The following CBARP variants were observed in gnomAD, a reference collection of about 807,000 sequenced individuals.
CBARP encodes the protein CACN subunit beta associated regulatory protein.
A neutral mutation model predicts 36.3 loss-of-function variants in CBARP; 24 were observed. That is an observed-to-expected ratio of 0.66 (90% CI 0.48 to 0.93). The LOEUF is 0.93. CBARP is among the 40% of genes least tolerant of loss of function. The pLI is 0.00. For synonymous variants in CBARP, 586 were observed against 453.2 expected (o/e 1.29, Z -3.72); for missense variants, 1,146 against 980.4 (o/e 1.17, Z -2.26).
chr19:1,231,871 G>A (rs1163161555), intron 8 of CBARP, among the ~76,000 whole-genome samples: 1 of 152,014 alleles, frequency 6.6e-6, no homozygotes, highest in Non-Finnish European at 1.5e-5. Flanking sequence ...CGAGTGAGTG[G>A]AAGGGCCTCT....
In CBARP at chr19:1,228,582, G is replaced by A. The variant is rs1415838593; in HGVS notation, c.*597C>T. ...CGGCGGCAGCAGCGGTGGCGGCGCGGTTATTGCTCGGAGGCGGCGCGGGCT... is the reference window on the plus strand; with the variant it reads ...CGGCGGCAGCAGCGGTGGCGGCGCGATTATTGCTCGGAGGCGGCGCGGGCT... On this transcript the variant is annotated 3_prime_UTR_variant, in exon 10 of 10. Coordinates refer to ENST00000650044, the MANE Select transcript of CBARP (RefSeq NM_001393918.1). 3 of 168,698 alleles carry A rather than the reference G, an allele frequency of 1.8e-5. No individual in the cohort carries two copies. The highest frequency in any genetic ancestry group is 7.2e-5 in the African/African-American group (3 of 41,872). 10.5% of individuals were successfully genotyped at this position (168,698 alleles called of 1,614,324 possible). A position where few individuals can be genotyped will look rare whatever the true frequency, so the allele number is the denominator to read the frequency against.
In CBARP at chr19:1,237,969, C is replaced by T. The variant is rs931668709; in HGVS notation, c.-235G>A. 2.0e-5 allele frequency: 3 copies of T among 146,864 alleles called. No homozygotes were observed. The highest frequency in any genetic ancestry group is 7.3e-5 in the African/African-American group (3 of 40,890). 9.1% of individuals were successfully genotyped at this position (146,864 alleles called of 1,614,324 possible). ...CCGCGCGCCCGGTGCTGCCCGGTCC[C>T]CGGCCCGCCGCCCCCGCTGCGCTCG... On this transcript the variant is annotated 5_prime_UTR_variant, in exon 1 of 10. Coordinates refer to ENST00000650044, the MANE Select transcript of CBARP (RefSeq NM_001393918.1).
intron 9 of CBARP, chr19:1,230,869 T>A (rs775865702): frequency 4.7e-6 from 7 of 1,499,526 alleles, no homozygotes; most frequent in Non-Finnish European, 6.2e-6. Context: ...GGGGGGCCCC[T>A]CCTCCCCACC....
Position 1,235,017 on chromosome 19 carries a change from G to A in CBARP, c.439C>T (p.Gln147Ter). 1 of 1,608,778 alleles carries A rather than the reference G, an allele frequency of 6.2e-7. No individual in the cohort carries two copies. The highest frequency in any genetic ancestry group is 8.5e-7 in the Non-Finnish European group (1 of 1,177,512). The part of the protein sequence containing the change: ...AALFEQSRKT[Q>*]DKGRRYTLTE... ...CCCGCTTACCGGCGACCCTTGTCCTGCGTCTTGCGGCTCTGCTCAAACAGC... is the reference window on the plus strand; with the variant it reads ...CCCGCTTACCGGCGACCCTTGTCCTACGTCTTGCGGCTCTGCTCAAACAGC... The change falls in exon 5 of 10, where the codon CAG becomes TAG. Residue 147 changes from glutamine to a stop codon, truncating the protein, a stop_gained. Coordinates refer to ENST00000650044, the MANE Select transcript of CBARP (RefSeq NM_001393918.1). LOFTEE classifies it high-confidence loss of function.
chr19:1,234,660 T>C lies in CBARP; in HGVS notation c.538A>G (p.Thr180Ala). ...HLHLPPLKIV[T>A]IHECDSGEAS... ...TCGCCTGAGTCACACTCGTGGATGG[T>C]GACAATCTTGAGGGGCGGCAGGTGC... is the stretch of plus-strand genomic sequence containing the variant. Residue 180 changes from threonine (T) to alanine (A), a missense_variant, in exon 6 of 10, where the codon ACC becomes GCC. Transcript: ENST00000650044. The C allele has an allele frequency of 6.2e-7, 1 of 1,612,010 alleles. No individual in the cohort carries two copies. Among genetic ancestry groups the C allele is most frequent in the Non-Finnish European group, 8.5e-7 (1 of 1,179,444 alleles).
chr19:1,233,428 C>T lies in CBARP; in HGVS notation c.977G>A (p.Arg326Lys), dbSNP rs1258259601. Residue 326 changes from arginine to lysine, a missense_variant and splice_region_variant, in exon 8 of 10, where the codon AGA becomes AAA. Transcript: ENST00000650044. ...PSQRAASLDTRGSPKRHHFQR... is the reference protein window; with the variant it reads ...PSQRAASLDTKGSPKRHHFQR... Reference sequence around the variant, plus strand: ...CTCCACCAGGTGCTACAGCTCACCTCTCGTGTCCAGACTGGCTGCCCGCTG... The same window carrying T: ...CTCCACCAGGTGCTACAGCTCACCTTTCGTGTCCAGACTGGCTGCCCGCTG... The T allele has an allele frequency of 1.4e-5, 22 of 1,587,196 alleles. No homozygotes were observed. The highest frequency in any genetic ancestry group is 4.6e-5 in the East Asian group (2 of 43,618).
rs2080932232 is a variant in CBARP, at chr19:1,234,245, A to T, written c.714T>A (p.Thr238=). 15 of 1,490,712 alleles carry T rather than the reference A, an allele frequency of 1.0e-5. No individual in the cohort carries two copies. The highest frequency in any genetic ancestry group is 1.2e-5 in the Non-Finnish European group (14 of 1,122,024). 92.3% of individuals were successfully genotyped at this position (1,490,712 alleles called of 1,614,324 possible). A position where few individuals can be genotyped will look rare whatever the true frequency, so the allele number is the denominator to read the frequency against. ...GDPYNSAAGA[T]DFAEISPSAS... ...CCGAGGGGCTGATCTCTGCGAAGTC[A>T]GTGGCGCCCGCGGCTGAGTTGTAGG... is the stretch of plus-strand genomic sequence containing the variant. Residue 238 remains threonine (T), a synonymous_variant, in exon 7 of 10, where the codon ACT becomes ACA. Coordinates refer to ENST00000650044, the MANE Select transcript of CBARP (RefSeq NM_001393918.1).
rs757099222 is a variant in CBARP at position 1,229,384 on chromosome 19, G to GGGTCGTCGCCGGCGC, written c.1898_1912dup (p.Asp637_Pro638insArgAlaGlyAspAsp). ...CTCCTCCTCGATGACGGGGATGGCG[G>GGGTCGTCGCCGGCGC]GGTCGTCGCCGGCGCCGCCCAGGGT... On this transcript the variant is annotated inframe_insertion, in exon 10 of 10. Transcript: ENST00000650044. This position sits in a 1 kb window ranked among gnomAD's most constrained non-coding sequence, Gnocchi z 5.1. The GGGTCGTCGCCGGCGC allele has an allele frequency of 8.8e-7, 1 of 1,137,854 alleles. No individual in the cohort carries two copies. Among genetic ancestry groups the GGGTCGTCGCCGGCGC allele is most frequent in the South Asian group, 1.6e-5 (1 of 61,854 alleles). 70.5% of individuals were successfully genotyped at this position (1,137,854 alleles called of 1,614,324 possible).
intron 9 of CBARP, chr19:1,230,611 G>T: frequency 8.2e-7 from 1 of 1,215,792 alleles, no homozygotes; most frequent in Non-Finnish European, 1.0e-6. Context: ...GGCTGCCCCA[G>T]GAACCCTGCT....
chr19:1,234,602 G>A lies in CBARP; in HGVS notation c.596C>T (p.Thr199Ile). Reference protein sequence around the residue: ...ASSATTPHPATSPKATLAIFQ... With the variant: ...ASSATTPHPAISPKATLAIFQ... ...GATGGCCAGAGTGGCCTTGGGAGAG[G>A]TGGCCGGGTGGGGCGTGGTGGCTGA... Residue 199 changes from threonine to isoleucine, a missense_variant, in exon 6 of 10, where the codon ACC becomes ATC. By Grantham distance (89) the Thr-to-Ile change is moderately conservative. Transcript: ENST00000650044. 4 of 1,608,192 alleles carry A rather than the reference G, an allele frequency of 2.5e-6. No homozygotes were observed. The highest frequency in any genetic ancestry group is 3.4e-6 in the Non-Finnish European group (4 of 1,178,062).
At position 1,233,749 on chromosome 19, in the gene CBARP, CAG is replaced by C. The variant is rs1182086362; in HGVS notation, c.769-115_769-114del. ...TCCCAAGGGCCCCCCATCACTGGGA[CAG>C]AGAGGGGTACCTGCTCGGAGAGGGG... is the stretch of plus-strand genomic sequence containing the variant. On this transcript the variant is annotated intron_variant, in intron 7 of 9. Transcript: ENST00000650044. 5 of 1,052,734 alleles carry C rather than the reference CAG, an allele frequency of 4.7e-6. No homozygotes were observed. The Admixed American group carries it at 1.0e-4, about 22-fold the overall frequency. 65.2% of individuals were successfully genotyped at this position (1,052,734 alleles called of 1,614,324 possible).
At chr19:1,235,463 G>A in intron 4 of CBARP, 38 bp downstream of exon 4, 1 of 1,537,502 alleles carries the variant, frequency 6.5e-7, no homozygotes, top group Non-Finnish European at 8.7e-7. Flanking sequence ...GGGGCGGATG[G>A]ACAGGCGAGC....
rs1194166279 is a variant in CBARP at position 1,233,489 on chromosome 19, A to G, written c.916T>C (p.Tyr306His). Residue 306 changes from tyrosine (Y) to histidine (H), a missense_variant, in exon 8 of 10, where the codon TAT becomes CAT. Tyr to His is a moderately conservative substitution (Grantham distance 83). Coordinates refer to ENST00000650044, the MANE Select transcript of CBARP (RefSeq NM_001393918.1). ...RHASLDGASP[Y>H]FKVKKWKLEP... ...AGCTTCCACTTCTTGACCTTGAAAT[A>G]GGGGCTGGCCCCATCCAGGCTGGCA... 1 of 1,606,122 alleles carries G rather than the reference A, an allele frequency of 6.2e-7. No homozygotes were observed.
At chr19:1,236,380 A>C (rs967824464) in intron 1 of CBARP, among the ~76,000 whole-genome samples, 66 of 152,304 alleles carry the variant, frequency 4.3e-4, no homozygotes, top group Admixed American at 3.7e-3. Flanking sequence ...TGTACCCATC[A>C]CAACTGCACA....
chr19:1,235,373 A>T, intron 4 of CBARP, 128 bp downstream of exon 4: 1 of 1,173,898 alleles, frequency 8.5e-7, no homozygotes, highest in Non-Finnish European at 1.2e-6. Flanking sequence ...GATGAGTCGG[A>T]ATCGAGCTGC....
chr19:1,233,924 G>C (rs2080927121), intron 7 of CBARP, among the ~76,000 whole-genome samples: 1 of 152,224 alleles, frequency 6.6e-6, no homozygotes, highest in Non-Finnish European at 1.5e-5. Flanking sequence ...CTGCAGGTGA[G>C]GGAGGGCAGG....
intron 9 of CBARP, chr19:1,230,362 C>T (rs2080874055): frequency 4.1e-6 from 4 of 986,858 alleles, no homozygotes; most frequent in Non-Finnish European, 4.8e-6. Context: ...AGGGTGCCTC[C>T]ATGCTGGACT....
intron 9 of CBARP, 180 bp downstream of exon 9, chr19:1,230,921 C>G (rs1254400085): frequency 1.3e-6 from 2 of 1,579,418 alleles, no homozygotes; most frequent in Non-Finnish European, 8.6e-7. Context: ...CTTCCCTCCT[C>G]TGGTCCATGC....
At chr19:1,230,256 C>G in intron 9 of CBARP, 114 bp from the exon 10 acceptor site, 1 of 992,632 alleles carries the variant, frequency 1.0e-6, no homozygotes, top group Non-Finnish European at 1.2e-6. Flanking sequence ...GGGACTCGGG[C>G]GGGCCTTGGA....
Sources: allele counts gnomAD v4.1 joint callset (sites outside exome capture counted in the v4.1 genomes callset), GRCh38; gene constraint gnomAD v4.1.1; non-coding constraint Gnocchi (gnomAD v3.1); transcripts MANE v1.5; gene names NCBI Gene and HGNC (gene_info 2026-07-23, HGNC 2026-07-21).